The following GALNT13 variants were observed in gnomAD, a reference collection of about 807,000 sequenced individuals.
The protein encoded by GALNT13 is polypeptide N-acetylgalactosaminyltransferase 13.
Under a neutral mutation model 64.2 loss-of-function variants are expected in GALNT13, and 28 were observed. That is an observed-to-expected ratio of 0.44 (90% confidence interval 0.32 to 0.60). The LOEUF (loss-of-function observed/expected upper bound fraction) is 0.60. Ranked by LOEUF, GALNT13 falls within the 20% of genes least tolerant of loss-of-function variation. The pLI is 0.05. For synonymous variants in GALNT13, 214 were observed against 224.6 expected (o/e 0.95, Z 0.42); for missense variants, 577 against 669.8 (o/e 0.86, Z 1.53).
At chr2:153,697,687 G>A in the GALNT13 span, among the ~76,000 whole-genome samples, 3 of 152,204 alleles carry the variant, frequency 2.0e-5, no homozygotes, top group Non-Finnish European at 4.4e-5. Context: ...AAAGTCAGAG[G>A]TAATGGGGTA....
intron 8 of GALNT13, among the ~76,000 whole-genome samples, chr2:154,282,769 G>A (rs1179840905): frequency 1.3e-5 from 2 of 152,152 alleles, no homozygotes; most frequent in Admixed American, 1.3e-4. Flanking sequence ...TCTCCCTCTG[G>A]CTTCTGGCAG....
intron 4 of GALNT13, among the ~76,000 whole-genome samples, chr2:154,160,459 T>C (rs1251984415): frequency 1.3e-5 from 2 of 152,092 alleles, no homozygotes; most frequent in Non-Finnish European, 2.9e-5. Flanking sequence ...AATTCATGAC[T>C]CCTTACCACA....
the GALNT13 span, among the ~76,000 whole-genome samples, chr2:153,656,595 G>T: frequency 2.6e-5 from 4 of 152,074 alleles, no homozygotes; most frequent in Non-Finnish European, 5.9e-5. Context: ...TAGTGATAAA[G>T]TTCTTGTAGT....
chr2:153,498,606 C>A, the GALNT13 span, among the ~76,000 whole-genome samples: 35 of 152,222 alleles, frequency 2.3e-4, no homozygotes, highest in Admixed American at 4.6e-4. Flanking sequence ...CCTCTGCGGG[C>A]ACCCACATCT....
the GALNT13 span, among the ~76,000 whole-genome samples, chr2:153,098,548 T>G: frequency 1.3e-5 from 2 of 152,218 alleles, no homozygotes; most frequent in Admixed American, 6.5e-5. Flanking sequence ...AAACCATGTA[T>G]TTTTCATGAC....
chr2:153,370,369 A>G, the GALNT13 span, among the ~76,000 whole-genome samples: 2 of 152,162 alleles, frequency 1.3e-5, no homozygotes, highest in African/African-American at 4.8e-5. Context: ...CTATTACAAG[A>G]AAATTACAAA....
the GALNT13 span, among the ~76,000 whole-genome samples, chr2:153,263,572 C>A: frequency 6.6e-6 from 1 of 152,178 alleles, no homozygotes; most frequent in Non-Finnish European, 1.5e-5. Context: ...ATAACCAAAG[C>A]AGCATGGTAC....
intron 4 of GALNT13, among the ~76,000 whole-genome samples, chr2:154,160,144 A>C (rs1684649361): frequency 6.6e-6 from 1 of 152,120 alleles, no homozygotes; most frequent in Non-Finnish European, 1.5e-5. Context: ...GCTATTTTAA[A>C]AGTCTCATTT....
intron 3 of GALNT13, among the ~76,000 whole-genome samples, chr2:154,001,801 C>T (rs1487981577): frequency 6.6e-6 from 1 of 151,918 alleles, no homozygotes; most frequent in Admixed American, 6.6e-5. Context: ...GAATGTTTTC[C>T]TTTCAAATGG....
At chr2:154,031,067 GT>G (rs1382294946) in intron 3 of GALNT13, among the ~76,000 whole-genome samples, 1 of 152,040 alleles carries the variant, frequency 6.6e-6, no homozygotes, top group Non-Finnish European at 1.5e-5. Flanking sequence ...TTATTAAAAA[GT>G]AATAGCAATG....
the GALNT13 span, chr2:153,370,900 G>A: frequency 1.1e-5 from 2 of 187,526 alleles, no homozygotes; most frequent in Non-Finnish European, 2.3e-5. Context: ...TATTGTGGAT[G>A]TCAAGGCCAA....
At position 153,975,944 on chromosome 2, in the gene GALNT13, T is replaced by C. The variant is rs192683926; in HGVS notation, c.142+31305T>C. Among the ~76,000 whole-genome samples the C allele has an allele frequency of 8.5e-5, 13 of 152,184 alleles. No individual in the cohort carries two copies. The East Asian group carries it at 2.5e-3, about 29-fold the overall frequency. On this transcript the variant is annotated intron_variant, in intron 3 of 12. Coordinates refer to ENST00000392825, the MANE Select transcript of GALNT13 (RefSeq NM_052917.4). ...CATCACATTGCACGTCCTAAATATATGCAATTTTTCTTTGTCATTTATACT... is the reference window on the plus strand; with the variant it reads ...CATCACATTGCACGTCCTAAATATACGCAATTTTTCTTTGTCATTTATACT...
At chr2:153,566,259 G>A in the GALNT13 span, among the ~76,000 whole-genome samples, 1 of 149,422 alleles carries the variant, frequency 6.7e-6, no homozygotes, top group Non-Finnish European at 1.5e-5. Flanking sequence ...CTGGTATTGA[G>A]ACCAACAAAT....
intron 7 of GALNT13, among the ~76,000 whole-genome samples, chr2:154,250,044 G>A (rs1689989043): frequency 6.6e-6 from 1 of 151,970 alleles, no homozygotes; most frequent in Non-Finnish European, 1.5e-5. Flanking sequence ...GGAGGATCTA[G>A]TTTTATTTCA....
At chr2:153,806,821 G>T in the GALNT13 span, among the ~76,000 whole-genome samples, 49 of 152,082 alleles carry the variant, frequency 3.2e-4, no homozygotes, top group Non-Finnish European at 5.6e-4. Context: ...AGGAATAGAA[G>T]GGAACCTGTA....
At chr2:153,459,178 T>A in the GALNT13 span, among the ~76,000 whole-genome samples, 1 of 151,766 alleles carries the variant, frequency 6.6e-6, no homozygotes, top group Non-Finnish European at 1.5e-5. Context: ...TGACAAAACA[T>A]AAAATATGTT....
chr2:154,355,311 T>C (rs1435306559), intron 9 of GALNT13, among the ~76,000 whole-genome samples: 1 of 152,136 alleles, frequency 6.6e-6, no homozygotes, highest in African/African-American at 2.4e-5. Flanking sequence ...TAAAAATATT[T>C]AGTTAAACCA....
chr2:153,088,645 T>C, the GALNT13 span, among the ~76,000 whole-genome samples: 7 of 152,164 alleles, frequency 4.6e-5, no homozygotes, highest in African/African-American at 1.4e-4. Flanking sequence ...GGAGCTCCAG[T>C]GTTAGATGCA....
the GALNT13 span, among the ~76,000 whole-genome samples, chr2:153,149,925 T>G: frequency 0.66 from 100,256 of 151,072 alleles, 33,629 homozygotes; most frequent in East Asian, 0.82. Context: ...ATGGCAGGGG[T>G]TTTTTTTGCC....
Sources: gnomAD v4.1 joint callset for allele counts (sites outside exome capture counted in the v4.1 genomes callset) on GRCh38, gnomAD v4.1.1 for gene constraint, MANE v1.5 for transcripts, NCBI Gene and HGNC (gene_info 2026-07-23, HGNC 2026-07-21) for gene names.